Variants in ABI3BP observed in about 807,000 individuals in gnomAD.
ABI3BP encodes the protein ABI family member 3 binding protein, also known as target of Nesh-SH3.
Under a neutral mutation model 268.6 loss-of-function variants are expected in ABI3BP, and 216 were observed. That is an observed-to-expected ratio of 0.80 (90% confidence interval 0.72 to 0.90). The LOEUF (loss-of-function observed/expected upper bound fraction) is 0.90, where lower values mean the gene tolerates loss of function less well. Among genes scored for constraint, ABI3BP ranks in the 40% least tolerant of loss-of-function variants. The probability of loss-of-function intolerance (pLI) is 0.00; values close to 1 mark genes in which losing one functional copy is unlikely to be tolerated. For missense variants in ABI3BP, 2,090 were observed against 2,182.4 expected, an observed-to-expected ratio of 0.96 and a Z score of 0.84; for synonymous variants, 730 against 730.0, an observed-to-expected ratio of 1.00 and a Z score of 0.00.
intron 20 of ABI3BP, among the ~76,000 whole-genome samples, chr3:100,843,293 G>T (rs919881559): frequency 6.6e-6 from 1 of 152,236 alleles, no homozygotes; most frequent in Non-Finnish European, 1.5e-5. Flanking sequence ...TAAAAGCCCC[G>T]AATTCTGATT....
chr3:100,874,996 C>T lies in ABI3BP; in HGVS notation c.818-63G>A, dbSNP rs79997884. The stretch of plus-strand genomic sequence containing the variant: ...AAGTGCATCATGACATAAAATGAAG[C>T]TCAGCACATCAGATATTACAAACTA... On this transcript the variant is annotated intron_variant, in intron 8 of 67. Transcript: ENST00000471714. The T allele has an allele frequency of 2.2e-3, 2,075 of 928,318 alleles. 30 individuals are homozygous for T. The African/African-American group carries it at 0.03, about 13-fold the overall frequency. The allele number at this position is 928,318 out of a possible 1,614,324, so 57.5% of individuals were successfully genotyped here.
chr3:100,812,543 G>A lies in ABI3BP; in HGVS notation c.3365-20C>T. ...CAGAAACTAGTAAAAAACAGAAAAT[G>A]GTACAATTGATAAAGGATAGGTTGT... is the stretch of plus-strand genomic sequence containing the variant. On this transcript the variant is annotated intron_variant, in intron 45 of 67. Coordinates refer to ENST00000471714, the MANE Select transcript of ABI3BP (RefSeq NM_001375547.2). The A allele has an allele frequency of 7.7e-7, 1 of 1,302,304 alleles. No homozygotes were observed. Among genetic ancestry groups the A allele is most frequent in the South Asian group, 2.5e-5 (1 of 39,730 alleles). The allele number at this position is 1,302,304 out of a possible 1,614,324, so 80.7% of individuals were successfully genotyped here.
chr3:100,765,903 G>A lies in ABI3BP; in HGVS notation c.4788C>T (p.Asn1596=). The change falls in exon 63 of 68, where the codon AAC becomes AAT. Residue 1596 remains asparagine, a synonymous_variant. Transcript: ENST00000471714. The part of the protein sequence containing the change: ...SRENGSFSGK[N]KSIQMTNQTF... ...TCTGATTTGTCATTTGAATGGACTT[G>A]TTCTTCCCACTGAATGACCCATTTT... is the stretch of plus-strand genomic sequence containing the variant. 18 of 1,613,008 alleles carry A rather than the reference G, an allele frequency of 1.1e-5. No homozygotes were observed. The highest frequency in any genetic ancestry group is 1.5e-5 in the Non-Finnish European group (18 of 1,179,436).
Position 100,844,620 on chromosome 3 carries a change from G to T in ABI3BP, c.1723+1752C>A, listed in dbSNP as rs1580182874. The T allele has an allele frequency of 2.2e-5, 4 of 183,030 alleles. No homozygotes were observed. In the South Asian group the frequency reaches 5.5e-4, roughly 25 times the overall value. The allele number at this position is 183,030 out of a possible 1,614,324, so 11.3% of individuals were successfully genotyped here. On this transcript the variant is annotated intron_variant, in intron 20 of 67. Coordinates refer to ENST00000471714, the MANE Select transcript of ABI3BP (RefSeq NM_001375547.2). ...TTTAGGAGAGCTATAAAGGTGGTCT[G>T]CCCTAAATAAAAATAAATAAAATTT...
chr3:100,871,869 C>G (rs2099113431), intron 9 of ABI3BP, among the ~76,000 whole-genome samples: 1 of 152,164 alleles, frequency 6.6e-6, no homozygotes, highest in Non-Finnish European at 1.5e-5. Flanking sequence ...CCAGGTCTTG[C>G]TCTGTTGCCC....
At position 100,763,175 on chromosome 3, in the gene ABI3BP, C is replaced by T. The variant is rs116529866; in HGVS notation, c.4850+2666G>A. 3.5e-3 allele frequency among the ~76,000 whole-genome samples: 534 copies of T among 152,052 alleles called. 5 individuals carry two copies. The highest frequency in any genetic ancestry group is 5.1e-3 in the Non-Finnish European group (349 of 67,974). On this transcript the variant is annotated intron_variant, in intron 63 of 67. Transcript: ENST00000471714. ...GCTTTTTCCCAAAGCTAAATCTAGA[C>T]GGGGGCTGGGCGTGGTGGCTCACAC... is the stretch of plus-strand genomic sequence containing the variant.
At chr3:100,787,337 A>T (rs1269917255) in intron 57 of ABI3BP, among the ~76,000 whole-genome samples, 3 of 152,186 alleles carry the variant, frequency 2.0e-5, no homozygotes, top group African/African-American at 7.2e-5. Flanking sequence ...TTCAAAAAAA[A>T]TTTTAATGGT....
intron 1 of ABI3BP, among the ~76,000 whole-genome samples, chr3:100,982,927 G>T (rs2090254267): frequency 1.3e-5 from 2 of 152,176 alleles, no homozygotes; most frequent in African/African-American, 4.8e-5. Flanking sequence ...GAATTCCAGA[G>T]CTCGCTGCCA....
chr3:100,749,586 ACATT>A lies in ABI3BP; in HGVS notation c.*905_*908del, dbSNP rs899742197. The A allele has an allele frequency of 1.3e-5, 5 of 388,256 alleles. No homozygotes were observed. The highest frequency in any genetic ancestry group is 1.8e-5 in the Non-Finnish European group (4 of 225,196). The allele number at this position is 388,256 out of a possible 1,614,324, so 24.1% of individuals were successfully genotyped here. On this transcript the variant is annotated 3_prime_UTR_variant, in exon 68 of 68. Transcript: ENST00000471714. ...AACAGTTACAAAGACATTCTCTGAT[ACATT>A]CATTCATAGAGGTCTTAACGTATAA...
At chr3:100,773,996 A>C (rs1439878903) in intron 61 of ABI3BP, among the ~76,000 whole-genome samples, 1 of 152,194 alleles carries the variant, frequency 6.6e-6, no homozygotes. Flanking sequence ...TGGAAGTTAT[A>C]TATGGGTTAT....
chr3:100,754,493 G>A, intron 64 of ABI3BP, 119 bp downstream of exon 64: 1 of 1,024,920 alleles, frequency 9.8e-7, no homozygotes, highest in Middle Eastern at 2.1e-4. Context: ...CCACAAATGG[G>A]TTTTTAGAAA....
chr3:100,808,048 G>T, intron 50 of ABI3BP, 113 bp downstream of exon 50: 1 of 924,346 alleles, frequency 1.1e-6, no homozygotes, highest in Non-Finnish European at 1.7e-6. Context: ...AGGAAGACTT[G>T]TTTTACAAGT....
chr3:100,769,490 A>G (rs990025042), intron 62 of ABI3BP, among the ~76,000 whole-genome samples: 3 of 152,212 alleles, frequency 2.0e-5, no homozygotes, highest in Admixed American at 2.0e-4. Context: ...AATATATCCA[A>G]GTTGATGTGT....
chr3:100,767,780 G>T (rs116079190), intron 62 of ABI3BP, among the ~76,000 whole-genome samples: 2,098 of 152,106 alleles, frequency 0.014, 32 homozygotes, highest in African/African-American at 0.048. Context: ...CATAGATTTT[G>T]TTCAACAGGT....
intron 6 of ABI3BP, among the ~76,000 whole-genome samples, chr3:100,882,826 T>C (rs1214399650): frequency 6.6e-6 from 1 of 152,000 alleles, no homozygotes; most frequent in Non-Finnish European, 1.5e-5. Flanking sequence ...AAAGAGGGAA[T>C]GAAAGAAATG....
intron 2 of ABI3BP, 56 bp from the exon 3 acceptor site, chr3:100,902,742 C>A (rs2051046778): frequency 1.4e-6 from 2 of 1,406,728 alleles, no homozygotes; most frequent in South Asian, 1.2e-5. Context: ...GCATTGGAGG[C>A]AGCACACCCC....
chr3:100,848,760 A>C (rs758043548), intron 18 of ABI3BP, 41 bp downstream of exon 18: 4 of 1,570,010 alleles, frequency 2.5e-6, no homozygotes, highest in Middle Eastern at 1.7e-4. Context: ...GACATTGTCT[A>C]TCTGGAATTA....
At chr3:100,765,743 A>AC (rs758877848) in intron 63 of ABI3BP, 98 bp downstream of exon 63, 25 of 937,112 alleles carry the variant, frequency 2.7e-5, no homozygotes, top group Non-Finnish European at 4.1e-5. Context: ...AGCTAGAGCC[A>AC]CCCTCAAGAC....
chr3:100,861,507 C>A (rs541668055), intron 14 of ABI3BP, among the ~76,000 whole-genome samples: 1 of 152,162 alleles, frequency 6.6e-6, no homozygotes, highest in Non-Finnish European at 1.5e-5. Flanking sequence ...AAGCAAAACA[C>A]AAAAATCATG....
Sources: gnomAD v4.1 joint callset for allele counts (sites outside exome capture counted in the v4.1 genomes callset) on GRCh38, gnomAD v4.1.1 for gene constraint, MANE v1.5 for transcripts, NCBI Gene and HGNC (gene_info 2026-07-23, HGNC 2026-07-21) for gene names.